AKAP13: variants seen among roughly 807,000 people sequenced by gnomAD.
AKAP13 encodes A-kinase anchoring protein 13, also known as A-kinase anchor protein 13.
Under a neutral mutation model 264.5 loss-of-function variants are expected in AKAP13, and 80 were observed. The observed-to-expected ratio is 0.30, with a 90% CI of 0.25 to 0.36. AKAP13 has a LOEUF of 0.36. AKAP13 is among the 10% of genes least tolerant of loss of function. AKAP13 has a pLI of 1.00. For synonymous variants in AKAP13, 1,380 were observed against 1,250.2 expected (o/e 1.10, Z -2.19); for missense variants, 3,712 against 3,435.2 (o/e 1.08, Z -2.01).
chr15:85,399,529 AATAAAAAAATAAAT>A (rs1567038704), intron 1 of AKAP13, among the ~76,000 whole-genome samples: 2 of 123,142 alleles, frequency 1.6e-5, no homozygotes, highest in African/African-American at 6.1e-5. Flanking sequence ...AAAATAAAAA[AATAAAAAAATAAAT>A]AAATAAATAA....
intron 8 of AKAP13, among the ~76,000 whole-genome samples, chr15:85,592,144 T>C (rs1468971991): frequency 1.3e-5 from 2 of 152,106 alleles, no homozygotes; most frequent in Non-Finnish European, 2.9e-5. Context: ...CATGTTTTTT[T>C]CTTCAGGACT....
intron 23 of AKAP13, among the ~76,000 whole-genome samples, chr15:85,720,651 A>G (rs2087225576): frequency 1.3e-5 from 2 of 152,324 alleles, no homozygotes; most frequent in South Asian, 4.1e-4. Flanking sequence ...CAAATTCCCC[A>G]AAGATTTTGG....
chr15:85,729,588 T>C (rs1389237827), intron 29 of AKAP13, among the ~76,000 whole-genome samples: 1 of 151,974 alleles, frequency 6.6e-6, no homozygotes, highest in Non-Finnish European at 1.5e-5. Context: ...ATATAGAAGG[T>C]CATTGAAGCC....
At chr15:85,530,778 T>C (rs1446156698) in intron 3 of AKAP13, among the ~76,000 whole-genome samples, 1 of 152,160 alleles carries the variant, frequency 6.6e-6, no homozygotes, top group African/African-American at 2.4e-5. Context: ...CATCCATCCA[T>C]CGTTCATCAT....
chr15:85,467,899 C>G (rs1000059003), intron 1 of AKAP13, among the ~76,000 whole-genome samples: 1 of 152,240 alleles, frequency 6.6e-6, no homozygotes, highest in African/African-American at 2.4e-5. Context: ...ATCCAGCTTA[C>G]TGACTCAAGT....
chr15:85,501,600 A>G (rs58720149), intron 2 of AKAP13, among the ~76,000 whole-genome samples: 10,563 of 152,314 alleles, frequency 0.069, 628 homozygotes, highest in East Asian at 0.3. Context: ...CCACTATGCT[A>G]TATGTCCTAC....
intron 8 of AKAP13, chr15:85,619,377 G>A (rs1170774140): frequency 1.0e-6 from 1 of 985,158 alleles, no homozygotes; most frequent in Non-Finnish European, 1.2e-6. Context: ...AGTACAGCAG[G>A]AGTGGTCTTT....
intron 8 of AKAP13, chr15:85,619,452 C>T: frequency 6.0e-5 from 59 of 985,338 alleles, no homozygotes; most frequent in Non-Finnish European, 7.0e-5. Context: ...CCAAGCCCTA[C>T]TGCCTGGTGA....
chr15:85,487,136 C>G (rs1596317757), intron 2 of AKAP13, among the ~76,000 whole-genome samples: 1 of 152,164 alleles, frequency 6.6e-6, no homozygotes, highest in East Asian at 1.9e-4. Context: ...GAGTTACAAA[C>G]TATAATCTAA....
At chr15:85,731,045 C>T (rs2087976336) in intron 30 of AKAP13, among the ~76,000 whole-genome samples, 2 of 116,476 alleles carry the variant, frequency 1.7e-5, no homozygotes, top group Non-Finnish European at 3.2e-5. Flanking sequence ...TGCTCTGTTT[C>T]CCAGGCTGGA....
At chr15:85,432,063 G>A (rs2073045749) in intron 1 of AKAP13, among the ~76,000 whole-genome samples, 1 of 152,008 alleles carries the variant, frequency 6.6e-6, no homozygotes, top group African/African-American at 2.4e-5. Context: ...ATTTTTTTGG[G>A]TGTTGAATGT....
At chr15:85,479,595 G>A (rs1424949246) in intron 1 of AKAP13, among the ~76,000 whole-genome samples, 4 of 152,136 alleles carry the variant, frequency 2.6e-5, no homozygotes, top group East Asian at 1.9e-4. Context: ...TTTTTTTGTG[G>A]ATTTGGAAGC....
intron 1 of AKAP13, among the ~76,000 whole-genome samples, chr15:85,400,917 A>G (rs1230853322): frequency 6.6e-6 from 1 of 150,970 alleles, no homozygotes; most frequent in East Asian, 1.9e-4. Context: ...GCTGGGGTGC[A>G]GTGGCACAAT....
At chr15:85,571,565 A>C (rs1171097510) in intron 5 of AKAP13, among the ~76,000 whole-genome samples, 1 of 152,266 alleles carries the variant, frequency 6.6e-6, no homozygotes, top group Admixed American at 6.5e-5. Flanking sequence ...CTGAAATGTC[A>C]CATTAATGAG....
chr15:85,649,263 A>G (rs1400100201), intron 10 of AKAP13, among the ~76,000 whole-genome samples: 1 of 152,198 alleles, frequency 6.6e-6, no homozygotes, highest in Non-Finnish European at 1.5e-5. Context: ...TGAGCAGCCA[A>G]CTTGAGGTTT....
intron 5 of AKAP13, among the ~76,000 whole-genome samples, chr15:85,544,634 T>C (rs2077674827): frequency 6.6e-6 from 1 of 152,250 alleles, no homozygotes; most frequent in Non-Finnish European, 1.5e-5. Flanking sequence ...TCTTTTATTC[T>C]TGTATAAATA....
chr15:85,385,334 C>T (rs1032481540), intron 1 of AKAP13, among the ~76,000 whole-genome samples: 2 of 152,130 alleles, frequency 1.3e-5, no homozygotes, highest in African/African-American at 4.8e-5. Context: ...TTAAAGTTCA[C>T]TCAGCACATC....
intron 8 of AKAP13, among the ~76,000 whole-genome samples, chr15:85,613,691 A>AAAAATATATATATATATATATAT (rs1313187436): frequency 1.1e-5 from 1 of 91,968 alleles, no homozygotes; most frequent in African/African-American, 4.6e-5. Context: ...AAAAAAAAAA[A>AAAAATATATATATATATATATAT]ATATATATAT....
intron 2 of AKAP13, among the ~76,000 whole-genome samples, chr15:85,500,465 G>A (rs1480984447): frequency 6.6e-6 from 1 of 152,194 alleles, no homozygotes; most frequent in Non-Finnish European, 1.5e-5. Context: ...CACCTGAGAT[G>A]AGACTATTAG....
Sources: gnomAD v4.1 joint callset for allele counts (sites outside exome capture counted in the v4.1 genomes callset) on GRCh38, gnomAD v4.1.1 for gene constraint, MANE v1.5 for transcripts, NCBI Gene and HGNC (gene_info 2026-07-23, HGNC 2026-07-21) for gene names.